The following AFDN variants were observed in gnomAD, a reference collection of about 807,000 sequenced individuals.
AFDN encodes the protein afadin, adherens junction formation factor.
AFDN carries 68 observed loss-of-function variants against 216.6 expected under a neutral mutation model. That is an observed-to-expected ratio of 0.31 (90% CI 0.26 to 0.38). The LOEUF (loss-of-function observed/expected upper bound fraction) is 0.38. Among genes scored for constraint, AFDN ranks in the 10% least tolerant of loss-of-function variants. AFDN has a pLI of 1.00. For missense variants in AFDN, 2,136 were observed against 2,342.0 expected, an observed-to-expected ratio of 0.91 and a Z score of 1.82; for synonymous variants, 868 against 853.7, an observed-to-expected ratio of 1.02 and a Z score of -0.29.
Position 167,951,797 on chromosome 6 carries a change from G to A in AFDN, c.4443G>A (p.Gln1481=). The A allele has an allele frequency of 6.2e-7, 1 of 1,614,156 alleles. No individual in the cohort carries two copies. The highest frequency in any genetic ancestry group is 8.5e-7 in the Non-Finnish European group (1 of 1,180,038). ...PEKPSTLQRP[Q]ETVIRELQPQ... is the part of the protein sequence containing the mutation. The stretch of plus-strand genomic sequence containing the variant: ...AGCCTTCCACACTCCAGCGGCCACA[G>A]GAAACAGTCATTCGGGAGCTGCAGC... The change falls in exon 30 of 34, where the codon CAG becomes CAA. Residue 1481 remains glutamine (Q), a synonymous_variant. Coordinates refer to ENST00000683244, the MANE Select transcript of AFDN (RefSeq NM_001386888.1). The surrounding 1 kb of genome is among the most constrained non-coding windows in gnomAD (Gnocchi z 7.1).
intron 1 of AFDN, among the ~76,000 whole-genome samples, chr6:167,842,595 C>T (rs1012507851): frequency 7.9e-5 from 12 of 152,112 alleles, no homozygotes; most frequent in South Asian, 4.1e-4. Context: ...AGCCTGATTT[C>T]GTGGTAGCTG....
intron 9 of AFDN, among the ~76,000 whole-genome samples, chr6:167,894,836 A>G (rs1055799103): frequency 3.9e-5 from 6 of 152,234 alleles, no homozygotes; most frequent in Admixed American, 1.3e-4. Flanking sequence ...GAGACCTTTC[A>G]GAAGCATTCA....
intron 1 of AFDN, among the ~76,000 whole-genome samples, chr6:167,857,245 A>G (rs1329336617): frequency 3.3e-5 from 5 of 151,622 alleles, no homozygotes; most frequent in African/African-American, 1.2e-4. Context: ...GATAGTTGAT[A>G]TTAGAGAGTG....
Position 167,962,641 on chromosome 6 carries a change from G to C in AFDN, c.4968+74G>C. 1.2e-6 allele frequency: 2 copies of C among 1,600,606 alleles called. No individual in the cohort carries two copies. The highest frequency in any genetic ancestry group is 1.7e-6 in the Non-Finnish European group (2 of 1,169,990). On this transcript the variant is annotated intron_variant, in intron 31 of 33. Coordinates refer to ENST00000683244, the MANE Select transcript of AFDN (RefSeq NM_001386888.1). This position sits in a 1 kb window ranked among gnomAD's most constrained non-coding sequence, Gnocchi z 5.2. The stretch of plus-strand genomic sequence containing the variant: ...GTAATCGATTGGCTGGGGCAGAGCG[G>C]GCTGGAAGTTCTGTGTTTCTTAAGA...
intron 30 of AFDN, among the ~76,000 whole-genome samples, chr6:167,955,759 CAT>C (rs1014572204): frequency 2.2e-4 from 34 of 152,266 alleles, no homozygotes; most frequent in African/African-American, 6.7e-4. Flanking sequence ...ATCTTAACCA[CAT>C]GTTTCTGAGC....
intron 6 of AFDN, among the ~76,000 whole-genome samples, chr6:167,886,970 G>A (rs886738723): frequency 6.9e-6 from 1 of 145,086 alleles, no homozygotes. Context: ...AGCTGAGATC[G>A]CACCACTGCA....
intron 9 of AFDN, among the ~76,000 whole-genome samples, chr6:167,894,854 G>A (rs2128363331): frequency 6.6e-6 from 1 of 152,280 alleles, no homozygotes; most frequent in South Asian, 2.1e-4. Context: ...TCAGAATTCG[G>A]AAGAATATGA....
chr6:167,948,511 A>C, intron 29 of AFDN, 33 bp downstream of exon 29: 65 of 1,588,732 alleles, frequency 4.1e-5, no homozygotes, highest in Non-Finnish European at 5.4e-5. Context: ...CACTTTTCTC[A>C]CCTCTCAAGG....
intron 5 of AFDN, among the ~76,000 whole-genome samples, chr6:167,876,041 T>TG (rs754309459): frequency 1.6e-4 from 25 of 152,340 alleles, no homozygotes; most frequent in Admixed American, 7.2e-4. Flanking sequence ...TTGCCTCAGA[T>TG]GATTCTTCTG....
chr6:167,874,843 G>A (rs987482781), intron 4 of AFDN, among the ~76,000 whole-genome samples: 5 of 151,958 alleles, frequency 3.3e-5, no homozygotes, highest in Admixed American at 6.6e-5. Flanking sequence ...TCCAACTCCC[G>A]ACCTCAGATT....
intron 2 of AFDN, among the ~76,000 whole-genome samples, chr6:167,866,674 G>A (rs1031145759): frequency 2.6e-5 from 4 of 152,170 alleles, no homozygotes; most frequent in Non-Finnish European, 5.9e-5. Context: ...CTGACTTCTT[G>A]TCCATGTTGA....
chr6:167,935,600 A>G (rs144553843), intron 23 of AFDN, among the ~76,000 whole-genome samples: 192 of 152,342 alleles, frequency 1.3e-3, no homozygotes, highest in African/African-American at 4.4e-3. Flanking sequence ...GGTTTGTTAA[A>G]TGAGGAATGA....
chr6:167,898,629 G>A (rs1788570442), intron 11 of AFDN, among the ~76,000 whole-genome samples, 162 bp downstream of exon 11: 1 of 152,164 alleles, frequency 6.6e-6, no homozygotes. Context: ...GTTGGTTTTA[G>A]AGGAAAGAAG....
At chr6:167,844,806 G>T (rs1781456322) in intron 1 of AFDN, among the ~76,000 whole-genome samples, 3 of 146,306 alleles carry the variant, frequency 2.1e-5, no homozygotes, top group Admixed American at 6.8e-5. Flanking sequence ...TTTAAAATTT[G>T]TAATTCCTTA....
chr6:167,849,765 A>G (rs1361017022), intron 1 of AFDN, among the ~76,000 whole-genome samples: 2 of 152,216 alleles, frequency 1.3e-5, no homozygotes, highest in Admixed American at 1.3e-4. Context: ...ATGAGAATCT[A>G]CTTCACTGAT....
chr6:167,951,229 A>G lies in AFDN; in HGVS notation c.3875A>G (p.Tyr1292Cys). The change falls in exon 30 of 34, where the codon TAC (tyrosine) becomes TGC (cysteine). Residue 1292 changes from tyrosine to cysteine, a missense_variant. Around this residue, in one of 8 missense-constraint regions of AFDN, gnomAD observed 981 missense variants for 966.0 expected, o/e 1.02. Transcript: ENST00000683244. The surrounding 1 kb of genome is among the most constrained non-coding windows in gnomAD (Gnocchi z 7.1). ...GAAGAACTTCGAGAAGATAAAGCTT[A>G]CCAACTTGAGCGGCATCGAATAGAG... ...SQEELREDKA[Y>C]QLERHRIEAA... is the part of the protein sequence containing the mutation. 6.3e-7 allele frequency: 1 copy of G among 1,595,122 alleles called. No homozygotes were observed. Among genetic ancestry groups the G allele is most frequent in the Non-Finnish European group, 8.5e-7 (1 of 1,172,742 alleles).
Position 167,969,210 on chromosome 6 carries a change from T to C in AFDN, c.5342+12T>C. 1.2e-6 allele frequency: 2 copies of C among 1,608,188 alleles called. No individual in the cohort carries two copies. Among genetic ancestry groups the C allele is most frequent in the South Asian group, 2.2e-5 (2 of 90,946 alleles). ...AAGCGCTCTAAAAGGTATGGACGGT[T>C]GCACTAGACGAGGAACTTCATCTGT... On this transcript the variant is annotated intron_variant, in intron 33 of 33. Transcript: ENST00000683244.
intron 4 of AFDN, among the ~76,000 whole-genome samples, chr6:167,872,712 T>C (rs190585188): frequency 3.9e-5 from 6 of 152,320 alleles, no homozygotes; most frequent in African/African-American, 1.4e-4. Flanking sequence ...GTTTTGGCCA[T>C]GAGGCAGCAG....
In AFDN at chr6:167,923,748, C is replaced by T. The variant is rs995451184; in HGVS notation, c.3012+789C>T. Reference sequence around the variant, plus strand: ...AAGCGATTCTCCTGCCTCAGCCTCCCAGTAGCTGGGATTACAGGTGCCCGC... The same window carrying T: ...AAGCGATTCTCCTGCCTCAGCCTCCTAGTAGCTGGGATTACAGGTGCCCGC... On this transcript the variant is annotated intron_variant, in intron 22 of 33. Transcript: ENST00000683244. Among the ~76,000 whole-genome samples, 4 of 151,778 alleles carry T rather than the reference C, an allele frequency of 2.6e-5. No homozygotes were observed. The South Asian group carries it at 8.3e-4, about 32-fold the overall frequency.
Sources: gnomAD v4.1 joint callset for allele counts (sites outside exome capture counted in the v4.1 genomes callset) on GRCh38, gnomAD v4.1.1 for gene constraint, gnomAD v4.1.1 regional missense constraint, Gnocchi (gnomAD v3.1) non-coding constraint, MANE v1.5 for transcripts, NCBI Gene and HGNC (gene_info 2026-07-23, HGNC 2026-07-21) for gene names.